Variants in TRPC5OS observed in about 807,000 individuals in gnomAD.
TRPC5OS encodes putative uncharacterized protein TRPC5OS.
For synonymous variants in TRPC5OS, 30 were observed against 29.3 expected (o/e 1.02, Z -0.08); for missense variants, 64 against 79.3 (o/e 0.81, Z 0.73).
chrX:111,901,224 G>A (rs1487480803), intron 3 of TRPC5OS, among the ~76,000 whole-genome samples: 2 of 111,661 alleles, frequency 1.8e-5, no homozygotes, highest in Admixed American at 9.5e-5. Context: ...AAATGGCAAT[G>A]AGGCAAAGGT....
Position 111,893,638 on chromosome X carries a change from C to T in TRPC5OS, c.-545-2313C>T, listed in dbSNP as rs1242804188. 5.4e-5 allele frequency among the ~76,000 whole-genome samples: 6 copies of T among 111,628 alleles called. No individual in the cohort carries two copies. In the East Asian group the frequency reaches 1.7e-3, roughly 31 times the overall value. Reference sequence around the variant, plus strand: ...TTTAAATTGACCATAAGGACATTTCCTACTCCCCCTTTTTTTAGTTTTAGT... The same window carrying T: ...TTTAAATTGACCATAAGGACATTTCTTACTCCCCCTTTTTTTAGTTTTAGT... On this transcript the variant is annotated intron_variant, in intron 1 of 3. Coordinates refer to ENST00000635763, the MANE Select transcript of TRPC5OS (RefSeq NM_001195578.2).
intron 1 of TRPC5OS, among the ~76,000 whole-genome samples, chrX:111,890,527 A>G (rs749763860): frequency 1.7e-3 from 188 of 110,781 alleles, no homozygotes; most frequent in African/African-American, 6.1e-3. Flanking sequence ...GGGTTTTAGT[A>G]TCTGTGGAAG....
intron 1 of TRPC5OS, among the ~76,000 whole-genome samples, chrX:111,880,393 A>T (rs1924154185): frequency 8.9e-6 from 1 of 112,577 alleles, no homozygotes. Flanking sequence ...TGGTGCCCAG[A>T]TCAGTTCTTT....
At chrX:111,900,155 T>C (rs1199011820) in intron 3 of TRPC5OS, among the ~76,000 whole-genome samples, 1 of 111,966 alleles carries the variant, frequency 8.9e-6, no homozygotes, top group Non-Finnish European at 1.9e-5. Flanking sequence ...CCAATAAATA[T>C]TCAAGGATTA....
At chrX:111,888,693 C>CAAAAAAAAAAAA (rs753735549) in intron 1 of TRPC5OS, among the ~76,000 whole-genome samples, 1 of 10,985 alleles carries the variant, frequency 9.1e-5, no homozygotes, top group African/African-American at 2.2e-4. Flanking sequence ...GACTCTATCT[C>CAAAAAAAAAAAA]AAAAAAAAAA....
intron 1 of TRPC5OS, among the ~76,000 whole-genome samples, chrX:111,881,258 C>T (rs1481410610): frequency 1.8e-5 from 2 of 109,989 alleles, no homozygotes; most frequent in Non-Finnish European, 3.8e-5. Context: ...CTCACTGTAA[C>T]CTCCACCTCC....
intron 1 of TRPC5OS, among the ~76,000 whole-genome samples, chrX:111,879,132 CT>C (rs1924086246): frequency 1.8e-5 from 2 of 112,085 alleles, no homozygotes; most frequent in African/African-American, 3.2e-5. Flanking sequence ...AATACTTATT[CT>C]TTTCAAAGCA....
intron 1 of TRPC5OS, among the ~76,000 whole-genome samples, chrX:111,880,522 A>C (rs1924160627): frequency 8.9e-6 from 1 of 112,319 alleles, no homozygotes; most frequent in Non-Finnish European, 1.9e-5. Flanking sequence ...AATAGTACCT[A>C]CAAACTTCAG....
chrX:111,886,125 T>TA (rs1924481780), intron 1 of TRPC5OS, among the ~76,000 whole-genome samples: 1 of 110,983 alleles, frequency 9.0e-6, no homozygotes. Context: ...ACTAAAAATA[T>TA]AAAAAATAGT....
intron 3 of TRPC5OS, among the ~76,000 whole-genome samples, chrX:111,900,614 C>T (rs1473226558): frequency 3.6e-5 from 4 of 111,299 alleles, no homozygotes; most frequent in East Asian, 5.6e-4. Flanking sequence ...CCTGAAGCTT[C>T]GGGGACTTTA....
chrX:111,878,217 CATAA>C (rs1476673749), intron 1 of TRPC5OS, among the ~76,000 whole-genome samples: 2 of 109,283 alleles, frequency 1.8e-5, no homozygotes. Context: ...CATTGTATCC[CATAA>C]ATAAATACAA....
At chrX:111,883,820 C>T (rs1160010441) in intron 1 of TRPC5OS, among the ~76,000 whole-genome samples, 1 of 112,763 alleles carries the variant, frequency 8.9e-6, no homozygotes, top group Non-Finnish European at 1.9e-5. Context: ...TAGTCCTAGT[C>T]TACTTAAGTC....
At chrX:111,884,659 A>G (rs1924387092) in intron 1 of TRPC5OS, among the ~76,000 whole-genome samples, 1 of 113,009 alleles carries the variant, frequency 8.8e-6, no homozygotes, top group Non-Finnish European at 1.9e-5. Context: ...CAAAGACCTG[A>G]GACTAGTTAA....
intron 1 of TRPC5OS, among the ~76,000 whole-genome samples, chrX:111,888,633 G>A (rs1472829985): frequency 2.0e-5 from 2 of 98,691 alleles, no homozygotes; most frequent in Non-Finnish European, 4.1e-5. Flanking sequence ...GGTGGAGGTT[G>A]TGGTGAGCTG....
intron 3 of TRPC5OS, among the ~76,000 whole-genome samples, chrX:111,898,681 A>C (rs1248708420): frequency 2.7e-5 from 3 of 110,765 alleles, no homozygotes; most frequent in African/African-American, 9.8e-5. Flanking sequence ...TGTGGGGGTA[A>C]GGTGAGAGAC....
intron 1 of TRPC5OS, among the ~76,000 whole-genome samples, chrX:111,889,041 A>G (rs1226474342): frequency 7.1e-5 from 8 of 112,326 alleles, no homozygotes; most frequent in Admixed American, 6.6e-4. Flanking sequence ...AATCAATGTA[A>G]TGAAAGTAGA....
intron 1 of TRPC5OS, among the ~76,000 whole-genome samples, chrX:111,877,646 G>A (rs1924016910): frequency 9.0e-6 from 1 of 110,520 alleles, no homozygotes. Flanking sequence ...CATAGGAGTT[G>A]GTATAATAAT....
intron 1 of TRPC5OS, among the ~76,000 whole-genome samples, chrX:111,880,616 A>G (rs191611832): frequency 1.8e-5 from 2 of 112,617 alleles, no homozygotes; most frequent in African/African-American, 6.4e-5. Flanking sequence ...AGTTTAACTT[A>G]TAACTTGGTA....
At chrX:111,897,435 T>A (rs1435111696) in intron 3 of TRPC5OS, among the ~76,000 whole-genome samples, 2 of 111,120 alleles carry the variant, frequency 1.8e-5, no homozygotes, top group Non-Finnish European at 3.8e-5. Flanking sequence ...TAGAGTACCA[T>A]TCAATGAGTT....
Sources: gnomAD v4.1 joint callset for allele counts (sites outside exome capture counted in the v4.1 genomes callset) on GRCh38, gnomAD v4.1.1 for gene constraint, MANE v1.5 for transcripts, NCBI Gene and HGNC (gene_info 2026-07-23, HGNC 2026-07-21) for gene names.